Variants in STON2 observed in about 807,000 individuals in gnomAD.
STON2 encodes the protein stonin 2, also known as stonin-2.
STON2 carries 29 observed loss-of-function variants against 65.7 expected under a neutral mutation model. The observed-to-expected ratio is 0.44, with a 90% CI of 0.33 to 0.60. The LOEUF is 0.60. STON2 is among the 20% of genes least tolerant of loss of function. The probability of loss-of-function intolerance (pLI) is 0.03; values close to 1 mark genes in which losing one functional copy is unlikely to be tolerated. For synonymous variants in STON2, 404 were observed against 414.2 expected (o/e 0.98, Z 0.30); for missense variants, 1,054 against 1,118.1 (o/e 0.94, Z 0.82).
intron 4 of STON2, among the ~76,000 whole-genome samples, chr14:81,354,963 T>TGAGCA (rs1197596834): frequency 7.3e-5 from 11 of 150,860 alleles, no homozygotes; most frequent in Non-Finnish European, 1.5e-4. Context: ...GAAGTTGCAG[T>TGAGCA]GAGCAGAGAT....
intron 4 of STON2, among the ~76,000 whole-genome samples, chr14:81,355,284 C>T (rs1485013916): frequency 6.6e-6 from 1 of 152,038 alleles, no homozygotes; most frequent in Non-Finnish European, 1.5e-5. Context: ...CATCCAGGTA[C>T]AGGAAGTGCA....
chr14:81,281,167 T>C (rs1375624612), intron 5 of STON2, among the ~76,000 whole-genome samples: 1 of 152,180 alleles, frequency 6.6e-6, no homozygotes, highest in East Asian at 1.9e-4. Context: ...TAAAGCATTT[T>C]TAAATTAAAG....
intron 6 of STON2, among the ~76,000 whole-genome samples, chr14:81,274,892 G>T (rs560966852): frequency 2.0e-5 from 3 of 152,066 alleles, no homozygotes; most frequent in Middle Eastern, 3.4e-3. Context: ...GCAACACAGC[G>T]AGACTTCATT....
chr14:81,348,287 A>G (rs1392187066), intron 4 of STON2, among the ~76,000 whole-genome samples: 1 of 152,160 alleles, frequency 6.6e-6, no homozygotes, highest in East Asian at 1.9e-4. Flanking sequence ...AGAAAGACAT[A>G]AAAAGCATCC....
At chr14:81,391,339 C>T (rs568195578) in intron 3 of STON2, among the ~76,000 whole-genome samples, 3 of 152,206 alleles carry the variant, frequency 2.0e-5, no homozygotes, top group Non-Finnish European at 2.9e-5. Flanking sequence ...ACAGCACATG[C>T]ATTCAAACAT....
chr14:81,323,370 A>G (rs1896888936), intron 5 of STON2: 1 of 152,180 alleles, frequency 6.6e-6, no homozygotes, highest in Non-Finnish European at 1.5e-5. Flanking sequence ...TTCTCAACAC[A>G]CTATACAAAG....
intron 2 of STON2, among the ~76,000 whole-genome samples, chr14:81,424,120 C>G (rs1011278886): frequency 3.3e-5 from 5 of 152,208 alleles, no homozygotes; most frequent in African/African-American, 9.6e-5. Context: ...ACAACTCACT[C>G]ATCCCCACAC....
At chr14:81,408,855 TGGCTCTGGTAGGAGGTCA>T in intron 2 of STON2, among the ~76,000 whole-genome samples, 1 of 152,242 alleles carries the variant, frequency 6.6e-6, no homozygotes, top group East Asian at 1.9e-4. Flanking sequence ...CATTAGTGAA[TGGCTCTGGTAGGAGGTCA>T]GGCTTTAAAG....
intron 7 of STON2, among the ~76,000 whole-genome samples, chr14:81,268,876 A>G (rs997267124): frequency 2.0e-5 from 3 of 152,334 alleles, no homozygotes; most frequent in Middle Eastern, 3.4e-3. Context: ...TGGGCTCCAC[A>G]AGACATGGGC....
chr14:81,293,420 C>T (rs61978893), intron 5 of STON2, among the ~76,000 whole-genome samples: 308 of 152,176 alleles, frequency 2.0e-3, no homozygotes, highest in Admixed American at 4.4e-3. Flanking sequence ...GATCTACCTG[C>T]CTCGGCCTCC....
At chr14:81,369,851 G>A (rs1394514965) in intron 4 of STON2, among the ~76,000 whole-genome samples, 2 of 152,214 alleles carry the variant, frequency 1.3e-5, no homozygotes, top group African/African-American at 2.4e-5. Context: ...CTCAGCTGCT[G>A]AAGGTGTGCT....
intron 4 of STON2, among the ~76,000 whole-genome samples, chr14:81,336,391 G>A (rs1319799570): frequency 6.6e-6 from 1 of 152,020 alleles, no homozygotes; most frequent in Non-Finnish European, 1.5e-5. Flanking sequence ...AAGTGGGAGA[G>A]TGAGGGCTCC....
At chr14:81,390,903 C>T (rs562193757) in intron 3 of STON2, among the ~76,000 whole-genome samples, 38 of 152,354 alleles carry the variant, frequency 2.5e-4, no homozygotes, top group African/African-American at 8.7e-4. Flanking sequence ...CTTGCAGCTT[C>T]TGGTGGCTGC....
At chr14:81,431,726 C>A (rs142869630) in intron 1 of STON2, among the ~76,000 whole-genome samples, 2 of 150,736 alleles carry the variant, frequency 1.3e-5, no homozygotes, top group African/African-American at 2.4e-5. Context: ...TGCAGTAAGC[C>A]GATATTGCGC....
chr14:81,365,545 T>C (rs1290262024), intron 4 of STON2, among the ~76,000 whole-genome samples: 2 of 151,980 alleles, frequency 1.3e-5, no homozygotes, highest in Admixed American at 6.6e-5. Flanking sequence ...CACTTGAGGT[T>C]AGGAGTTCGA....
chr14:81,369,987 A>G (rs957559848), intron 4 of STON2, among the ~76,000 whole-genome samples: 3 of 152,174 alleles, frequency 2.0e-5, no homozygotes, highest in African/African-American at 7.2e-5. Context: ...AAAATGCTAT[A>G]AAGAACCACA....
In STON2 at chr14:81,265,385, T is replaced by C. The variant is rs1894316421; in HGVS notation, c.*3029A>G. The C allele has an allele frequency of 3.1e-6, 3 of 977,838 alleles. No individual in the cohort carries two copies. The highest frequency in any genetic ancestry group is 4.7e-5 in the South Asian group (1 of 21,110). 60.6% of individuals were successfully genotyped at this position (977,838 alleles called of 1,614,324 possible). On this transcript the variant is annotated 3_prime_UTR_variant, in exon 8 of 8. Transcript: ENST00000614646. ...ATAATAATTTGTGGGTCCAGCATGG[T>C]GGCTCACGCCTGTAATCCCAGAGCT... is the stretch of plus-strand genomic sequence containing the variant.
intron 3 of STON2, among the ~76,000 whole-genome samples, chr14:81,388,280 A>AT (rs557310183): frequency 2.6e-5 from 4 of 152,128 alleles, no homozygotes; most frequent in Non-Finnish European, 5.9e-5. Flanking sequence ...GGGAGACTGT[A>AT]TATCTCCTTT....
intron 4 of STON2, among the ~76,000 whole-genome samples, chr14:81,370,496 G>C (rs1898934665): frequency 6.6e-6 from 1 of 152,194 alleles, no homozygotes. Flanking sequence ...AGGCACAACA[G>C]AATAAACACT....
Sources: gnomAD v4.1 joint callset for allele counts (sites outside exome capture counted in the v4.1 genomes callset) on GRCh38, gnomAD v4.1.1 for gene constraint, MANE v1.5 for transcripts, NCBI Gene and HGNC (gene_info 2026-07-23, HGNC 2026-07-21) for gene names.